The following IRAG1 variants were observed in gnomAD, a reference collection of about 807,000 sequenced individuals.
IRAG1 encodes IP3R-associated cGMP kinase substrate.
IRAG1 carries 62 observed loss-of-function variants against 106.2 expected under a neutral mutation model. That is an observed-to-expected ratio of 0.58 (90% confidence interval 0.48 to 0.72). The LOEUF is 0.72. Ranked by LOEUF, IRAG1 falls within the 30% of genes least tolerant of loss-of-function variation. The probability of loss-of-function intolerance (pLI) is 0.00; values close to 1 mark genes in which losing one functional copy is unlikely to be tolerated. For synonymous variants in IRAG1, 462 were observed against 443.9 expected, an observed-to-expected ratio of 1.04 and a Z score of -0.51; for missense variants, 1,064 against 1,140.7, an observed-to-expected ratio of 0.93 and a Z score of 0.97.
intron 1 of IRAG1, among the ~76,000 whole-genome samples, chr11:10,686,121 C>T (rs1564945764): frequency 6.6e-6 from 1 of 152,188 alleles, no homozygotes; most frequent in South Asian, 2.1e-4. Flanking sequence ...AAATAGAGGA[C>T]TCCCATGTGC....
At chr11:10,680,404 G>GAAAGGAAAGAAAGGAAA (rs1554935662) in intron 1 of IRAG1, among the ~76,000 whole-genome samples, 1 of 82,090 alleles carries the variant, frequency 1.2e-5, no homozygotes, top group Non-Finnish European at 2.2e-5. Flanking sequence ...AAGGAAGGAA[G>GAAAGGAAAGAAAGGAAA]GAAAGAAAGG....
intron 12 of IRAG1, 40 bp downstream of exon 12, chr11:10,606,702 G>C (rs750517168): frequency 1.3e-6 from 2 of 1,575,590 alleles, no homozygotes; most frequent in South Asian, 2.3e-5. Context: ...GCCCAGTCAA[G>C]CACGGGCACT....
At chr11:10,648,358 T>C (rs1392123124) in intron 2 of IRAG1, among the ~76,000 whole-genome samples, 1 of 152,190 alleles carries the variant, frequency 6.6e-6, no homozygotes, top group East Asian at 1.9e-4. Flanking sequence ...AGCAAGACTC[T>C]GTCTCAAAAA....
chr11:10,609,816 C>T lies in IRAG1; in HGVS notation c.1483G>A (p.Glu495Lys). 6.2e-7 allele frequency: 1 copy of T among 1,613,992 alleles called. No homozygotes were observed. Residue 495 changes from glutamate to lysine, a missense_variant, in exon 11 of 21, where the codon GAA (glutamate) becomes AAA (lysine). Coordinates refer to ENST00000423302, the MANE Select transcript of IRAG1 (RefSeq NM_130385.4). ...ACATCTAAGCCACTCTTTGACTCTT[C>T]TTCCTCAATAGCTGGGGAGAGTTCA... ...PSELSPAIEE[E>K]ESKSGLDVMP...
chr11:10,653,153 G>A (rs1858658606), intron 1 of IRAG1, among the ~76,000 whole-genome samples: 1 of 152,168 alleles, frequency 6.6e-6, no homozygotes, highest in African/African-American at 2.4e-5. Context: ...TCTGAGTGGT[G>A]GAGTGTGAAG....
At chr11:10,680,398 AAGGAAG>A (rs1255800999) in intron 1 of IRAG1, among the ~76,000 whole-genome samples, 50 of 66,664 alleles carry the variant, frequency 7.5e-4, no homozygotes, top group Middle Eastern at 6.6e-3. Context: ...GGAAGGAAGG[AAGGAAG>A]GAAAGAAAGG....
intron 15 of IRAG1, among the ~76,000 whole-genome samples, chr11:10,596,918 C>G (rs1439535703): frequency 6.6e-6 from 1 of 152,200 alleles, no homozygotes. Context: ...ACTTCCAAGT[C>G]TGCAGCAAGC....
At chr11:10,600,880 T>C in intron 15 of IRAG1, 38 bp downstream of exon 15, 1 of 1,612,438 alleles carries the variant, frequency 6.2e-7, no homozygotes, top group Non-Finnish European at 8.5e-7. Flanking sequence ...GAAGTCCACC[T>C]TGTAGGGCCA....
In IRAG1 at chr11:10,576,332, C is replaced by T. The variant is rs776088078; in HGVS notation, c.2739G>A (p.Ter913=). 1.2e-5 allele frequency: 20 copies of T among 1,613,702 alleles called. No individual in the cohort carries two copies. The highest frequency in any genetic ancestry group is 1.6e-5 in the Non-Finnish European group (19 of 1,179,838). The part of the protein sequence containing the change: ...GLQHEQPTEQ[*] ...GGGCACTGGCTAGGTGTGAGGTTTC[C>T]TACTGCTCTGTAGGCTGCTCATGCT... Residue 913 remains the stop codon, a stop_retained_variant, in exon 21 of 21, where the codon TAG becomes TAA. Coordinates refer to ENST00000423302, the MANE Select transcript of IRAG1 (RefSeq NM_130385.4).
At chr11:10,674,516 G>A (rs900682567) in intron 1 of IRAG1, among the ~76,000 whole-genome samples, 2 of 152,142 alleles carry the variant, frequency 1.3e-5, no homozygotes, top group Non-Finnish European at 2.9e-5. Flanking sequence ...GGAGGGACTG[G>A]CTTTGGAAAC....
At chr11:10,677,938 A>G (rs952641053) in intron 1 of IRAG1, among the ~76,000 whole-genome samples, 2 of 152,250 alleles carry the variant, frequency 1.3e-5, no homozygotes, top group Non-Finnish European at 2.9e-5. Flanking sequence ...GTTTATCCAC[A>G]TGGTAGCATG....
At chr11:10,643,328 A>C (rs1186163267) in intron 2 of IRAG1, among the ~76,000 whole-genome samples, 5 of 152,190 alleles carry the variant, frequency 3.3e-5, no homozygotes, top group African/African-American at 4.8e-5. Context: ...ATAGAGGGCC[A>C]GTTCCCTGGC....
intron 10 of IRAG1, among the ~76,000 whole-genome samples, chr11:10,618,117 C>T (rs1855567014): frequency 6.6e-6 from 1 of 152,194 alleles, no homozygotes; most frequent in African/African-American, 2.4e-5. Context: ...ACGTGTAGCT[C>T]ACACTTAGTT....
intron 12 of IRAG1, among the ~76,000 whole-genome samples, 197 bp from the exon 13 acceptor site, chr11:10,604,742 C>T (rs754645938): frequency 9.9e-5 from 15 of 152,226 alleles, no homozygotes; most frequent in Non-Finnish European, 1.9e-4. Flanking sequence ...CCAAGGTCCA[C>T]GCTAGGCCCT....
At chr11:10,654,339 T>C (rs142328420) in intron 1 of IRAG1, among the ~76,000 whole-genome samples, 8 of 152,328 alleles carry the variant, frequency 5.3e-5, no homozygotes, top group African/African-American at 7.2e-5. Flanking sequence ...CAAAGAATGA[T>C]TGTTGATTTA....
chr11:10,666,315 G>C (rs1859782064), intron 1 of IRAG1, among the ~76,000 whole-genome samples: 1 of 152,224 alleles, frequency 6.6e-6, no homozygotes, highest in Admixed American at 6.5e-5. Context: ...GAAAATTGAA[G>C]CTCAGAAAGG....
At position 10,626,486 on chromosome 11, in the gene IRAG1, T is replaced by A; in HGVS notation, c.848A>T (p.Lys283Ile). The change falls in exon 9 of 21, where the codon AAA becomes ATA. Residue 283 changes from lysine (K) to isoleucine (I), a missense_variant. By Grantham distance (102) the Lys-to-Ile change is moderately radical (BLOSUM62 -3). Coordinates refer to ENST00000423302, the MANE Select transcript of IRAG1 (RefSeq NM_130385.4). ...TTCCTTTTGTTCTATTGCAATCTCTTTGGACTTCTCAACTGGAGGAGGACG... is the reference window on the plus strand; with the variant it reads ...TTCCTTTTGTTCTATTGCAATCTCTATGGACTTCTCAACTGGAGGAGGACG... ...APRPPPVEKS[K>I]EIAIEQKENF... is the part of the protein sequence containing the mutation. 1 of 1,613,702 alleles carries A rather than the reference T, an allele frequency of 6.2e-7. No individual in the cohort carries two copies. Among genetic ancestry groups the A allele is most frequent in the Non-Finnish European group, 8.5e-7 (1 of 1,179,764 alleles).
chr11:10,624,811 T>G (rs1477122661), intron 9 of IRAG1, among the ~76,000 whole-genome samples: 1 of 152,130 alleles, frequency 6.6e-6, no homozygotes, highest in African/African-American at 2.4e-5. Flanking sequence ...AGGTTCCCTG[T>G]AACTTCTCTG....
chr11:10,612,966 C>T (rs1855092381), intron 10 of IRAG1, among the ~76,000 whole-genome samples: 1 of 152,020 alleles, frequency 6.6e-6, no homozygotes, highest in Non-Finnish European at 1.5e-5. Flanking sequence ...AGGAATAAAG[C>T]AGATATAGCT....
Sources: gnomAD v4.1 joint callset for allele counts (sites outside exome capture counted in the v4.1 genomes callset) on GRCh38, gnomAD v4.1.1 for gene constraint, MANE v1.5 for transcripts, NCBI Gene and HGNC (gene_info 2026-07-23, HGNC 2026-07-21) for gene names.